The following TMEM87B variants were observed in gnomAD, a reference collection of about 807,000 sequenced individuals.
TMEM87B encodes the protein transmembrane protein 87B.
In TMEM87B, 83 loss-of-function variants were observed where a neutral mutation model predicts 80.3. The ratio of observed to expected loss-of-function variants is 1.03; its 90% CI spans 0.87 to 1.24. The LOEUF (loss-of-function observed/expected upper bound fraction) is 1.24, where lower values mean the gene tolerates loss of function less well. Among genes scored for constraint, TMEM87B ranks in the 50% most tolerant of loss-of-function variants. The probability of loss-of-function intolerance (pLI) is 0.00; values close to 1 mark genes in which losing one functional copy is unlikely to be tolerated. For missense variants in TMEM87B, 625 were observed against 674.4 expected (o/e 0.93, Z 0.81); for synonymous variants, 219 against 230.5 (o/e 0.95, Z 0.45).
intron 8 of TMEM87B, among the ~76,000 whole-genome samples, chr2:112,083,624 G>T (rs1333298254): frequency 6.6e-6 from 1 of 152,196 alleles, no homozygotes; most frequent in Non-Finnish European, 1.5e-5. Context: ...CAGAGAGTCT[G>T]ATTAGGGCAG....
chr2:112,068,581 GT>G (rs1192301209), intron 4 of TMEM87B, among the ~76,000 whole-genome samples: 2 of 151,872 alleles, frequency 1.3e-5, no homozygotes, highest in African/African-American at 4.8e-5. Context: ...GCGGGCACCT[GT>G]AGTCCCAGCT....
intron 10 of TMEM87B, among the ~76,000 whole-genome samples, chr2:112,091,272 A>T (rs533754850): frequency 1.7e-3 from 256 of 152,170 alleles, no homozygotes; most frequent in Non-Finnish European, 3.1e-3. Context: ...CATAGCCAAC[A>T]TCTTAGATAG....
At chr2:112,062,114 A>T (rs1051513345) in intron 2 of TMEM87B, among the ~76,000 whole-genome samples, 2 of 152,242 alleles carry the variant, frequency 1.3e-5, no homozygotes, top group Non-Finnish European at 2.9e-5. Flanking sequence ...GGTAATCATG[A>T]AAGTGAGTAA....
chr2:112,097,271 A>G lies in TMEM87B; in HGVS notation c.1252A>G (p.Arg418Gly). Residue 418 changes from arginine to glycine, a missense_variant, in exon 13 of 19, where the codon AGA becomes GGA. By Grantham distance (125) the Arg-to-Gly change is moderately radical. Transcript: ENST00000283206. ...VFMGWTTKTF[R>G]IAKCQSDWME... Reference sequence around the variant, plus strand: ...TATGGGGTGGACAACTAAGACATTTAGAATTGCAAAATGCCAATCAGTAAG... The same window carrying G: ...TATGGGGTGGACAACTAAGACATTTGGAATTGCAAAATGCCAATCAGTAAG... 1 of 1,606,386 alleles carries G rather than the reference A, an allele frequency of 6.2e-7. No homozygotes were observed. Among genetic ancestry groups the G allele is most frequent in the Non-Finnish European group, 8.5e-7 (1 of 1,177,992 alleles).
intron 6 of TMEM87B, among the ~76,000 whole-genome samples, chr2:112,079,237 A>AT (rs1183269609): frequency 6.6e-5 from 10 of 151,618 alleles, no homozygotes; most frequent in Admixed American, 2.0e-4. Context: ...CCTGTGTGAG[A>AT]TTTTTTTTTA....
chr2:112,056,506 C>T (rs150926947), intron 1 of TMEM87B, among the ~76,000 whole-genome samples: 7 of 152,018 alleles, frequency 4.6e-5, no homozygotes, highest in African/African-American at 1.4e-4. Flanking sequence ...GATGCAGGGG[C>T]AGAATTATGG....
chr2:112,062,711 T>C (rs1388329201), intron 2 of TMEM87B, among the ~76,000 whole-genome samples: 1 of 152,248 alleles, frequency 6.6e-6, no homozygotes, highest in East Asian at 1.9e-4. Context: ...AGTTTGATGC[T>C]TTCCAGTTTT....
intron 8 of TMEM87B, 133 bp downstream of exon 8, chr2:112,081,651 C>A: frequency 1.3e-6 from 1 of 772,314 alleles, no homozygotes; most frequent in Non-Finnish European, 1.9e-6. Context: ...GAAGGAAAGC[C>A]AAGGAAAGAA....
chr2:112,065,664 A>AAAG (rs1558829429), intron 3 of TMEM87B, among the ~76,000 whole-genome samples: 1 of 149,962 alleles, frequency 6.7e-6, no homozygotes, highest in Non-Finnish European at 1.5e-5. Context: ...AAAAAAAAAA[A>AAAG]AAGTTCACCA....
intron 15 of TMEM87B, 28 bp from the exon 16 acceptor site, chr2:112,105,972 TTA>T (rs757506238): frequency 6.9e-7 from 1 of 1,445,630 alleles, no homozygotes; most frequent in Admixed American, 2.3e-5. Context: ...TTTTGTGATT[TTA>T]TATATATGTT....
At chr2:112,087,591 G>A (rs1346232248) in intron 9 of TMEM87B, among the ~76,000 whole-genome samples, 4 of 152,048 alleles carry the variant, frequency 2.6e-5, no homozygotes, top group African/African-American at 9.7e-5. Flanking sequence ...ACTCAACTGT[G>A]AGGGAAACTG....
At chr2:112,072,016 C>T (rs1432476616) in intron 4 of TMEM87B, among the ~76,000 whole-genome samples, 1 of 152,084 alleles carries the variant, frequency 6.6e-6, no homozygotes, top group Non-Finnish European at 1.5e-5. Context: ...TATCCAAAGC[C>T]TTTTCTGTAT....
At chr2:112,080,994 T>G (rs1678978592) in intron 6 of TMEM87B, 63 bp from the exon 7 acceptor site, 1 of 1,455,854 alleles carries the variant, frequency 6.9e-7, no homozygotes, top group Admixed American at 1.8e-5. Context: ...TTCTGGGAAA[T>G]GAACTTACAT....
chr2:112,072,602 G>A (rs543783136), intron 4 of TMEM87B, among the ~76,000 whole-genome samples: 232 of 152,214 alleles, frequency 1.5e-3, no homozygotes, highest in Admixed American at 2.4e-3. Context: ...ATTTCTGTGG[G>A]CTCAGTGGTA....
At chr2:112,056,353 T>A (rs1362610539) in intron 1 of TMEM87B, among the ~76,000 whole-genome samples, 1 of 151,196 alleles carries the variant, frequency 6.6e-6, no homozygotes, top group Non-Finnish European at 1.5e-5. Context: ...GGAGAGAGAG[T>A]GTGTGTGTAG....
At chr2:112,063,356 CT>C (rs761385873) in intron 2 of TMEM87B, among the ~76,000 whole-genome samples, 3 of 152,220 alleles carry the variant, frequency 2.0e-5, no homozygotes, top group East Asian at 3.8e-4. Flanking sequence ...GCTTTTCAGT[CT>C]GCCTATTTGT....
chr2:112,116,302 C>T lies in TMEM87B; in HGVS notation c.*159C>T. Reference sequence around the variant, plus strand: ...TTCAGATGGTAGGAGGTTCTATAGTCCTTTTAAAGCTGACTCTTGAGTGTC... The same window carrying T: ...TTCAGATGGTAGGAGGTTCTATAGTTCTTTTAAAGCTGACTCTTGAGTGTC... On this transcript the variant is annotated 3_prime_UTR_variant, in exon 19 of 19. Transcript: ENST00000283206. 2 of 585,484 alleles carry T rather than the reference C, an allele frequency of 3.4e-6. No individual in the cohort carries two copies. Among genetic ancestry groups the T allele is most frequent in the Non-Finnish European group, 5.9e-6 (2 of 340,436 alleles). The allele number at this position is 585,484 out of a possible 1,614,324, so 36.3% of individuals were successfully genotyped here. A position where few individuals can be genotyped will look rare whatever the true frequency, so the allele number is the denominator to read the frequency against.
intron 11 of TMEM87B, among the ~76,000 whole-genome samples, chr2:112,093,782 A>T (rs1679375214): frequency 1.3e-5 from 2 of 152,182 alleles, no homozygotes; most frequent in South Asian, 4.1e-4. Flanking sequence ...GTGATAAGAG[A>T]GAGTACTCAC....
In TMEM87B at chr2:112,106,950, A is replaced by G. The variant is rs188720539; in HGVS notation, c.1525-838A>G. ...AAAATAGATAGATAGGTAGTTAGAT[A>G]AGATAGACAGACATAGACAGATAGC... On this transcript the variant is annotated intron_variant, in intron 16 of 18. Transcript: ENST00000283206. Among the ~76,000 whole-genome samples the G allele has an allele frequency of 3.9e-5, 6 of 152,344 alleles. No individual in the cohort carries two copies. The East Asian group carries it at 1.2e-3, about 29-fold the overall frequency.
Sources: allele counts gnomAD v4.1 joint callset (sites outside exome capture counted in the v4.1 genomes callset), GRCh38; gene constraint gnomAD v4.1.1; transcripts MANE v1.5; gene names NCBI Gene and HGNC (gene_info 2026-07-23, HGNC 2026-07-21).